Variants in ABHD12 observed in about 807,000 individuals in gnomAD.
ABHD12 encodes lysophosphatidylserine lipase ABHD12.
Under a neutral mutation model 58.3 loss-of-function variants are expected in ABHD12, and 43 were observed. The ratio of observed to expected loss-of-function variants is 0.74; its 90% CI spans 0.58 to 0.95. The LOEUF is 0.95. Among genes scored for constraint, ABHD12 ranks in the 40% least tolerant of loss-of-function variants. The probability of loss-of-function intolerance (pLI) is 0.00; values close to 1 mark genes in which losing one functional copy is unlikely to be tolerated. For synonymous variants in ABHD12, 219 were observed against 211.2 expected, an observed-to-expected ratio of 1.04 and a Z score of -0.32; for missense variants, 539 against 537.2, an observed-to-expected ratio of 1.00 and a Z score of -0.03.
At chr20:25,361,115 C>T (rs1013391406) in intron 1 of ABHD12, among the ~76,000 whole-genome samples, 1 of 152,200 alleles carries the variant, frequency 6.6e-6, no homozygotes, top group East Asian at 1.9e-4. Flanking sequence ...CCACGCTAAG[C>T]GGCTGCTGAA....
intron 1 of ABHD12, among the ~76,000 whole-genome samples, chr20:25,388,431 A>G (rs1420879006): frequency 6.6e-6 from 1 of 152,174 alleles, no homozygotes; most frequent in Non-Finnish European, 1.5e-5. Flanking sequence ...CAAAAATTAC[A>G]ATCTCGAGTG....
At chr20:25,300,954 ACTG>A in intron 12 of ABHD12, 70 bp from the exon 13 acceptor site, 2 of 1,501,904 alleles carry the variant, frequency 1.3e-6, no homozygotes, top group South Asian at 1.2e-5. Flanking sequence ...CAGTCCTCAC[ACTG>A]CTATCTAAGG....
chr20:25,376,566 G>A (rs1385953546), intron 1 of ABHD12, among the ~76,000 whole-genome samples: 2 of 152,138 alleles, frequency 1.3e-5, no homozygotes, highest in East Asian at 1.9e-4. Context: ...ACTGTGGTAC[G>A]GCATGTTTTC....
intron 2 of ABHD12, among the ~76,000 whole-genome samples, chr20:25,338,040 C>T (rs1450193549): frequency 1.3e-5 from 2 of 152,056 alleles, no homozygotes; most frequent in Non-Finnish European, 2.9e-5. Flanking sequence ...GTTCTTCTTA[C>T]CGGCATTAAA....
At chr20:25,301,364 A>T (rs1402855916) in intron 12 of ABHD12, among the ~76,000 whole-genome samples, 1 of 152,194 alleles carries the variant, frequency 6.6e-6, no homozygotes, top group Non-Finnish European at 1.5e-5. Flanking sequence ...AATTCAGGCC[A>T]CCAATTTCAG....
At chr20:25,322,277 A>G (rs2089080359) in intron 3 of ABHD12, among the ~76,000 whole-genome samples, 1 of 150,404 alleles carries the variant, frequency 6.6e-6, no homozygotes, top group South Asian at 2.1e-4. Flanking sequence ...AAGACAGCCA[A>G]CACCATCATC....
chr20:25,331,686 T>C (rs1279356963), intron 2 of ABHD12, among the ~76,000 whole-genome samples: 1 of 152,126 alleles, frequency 6.6e-6, no homozygotes, highest in African/African-American at 2.4e-5. Flanking sequence ...CAACCCAGAA[T>C]TTCACATCCA....
chr20:25,336,882 G>A (rs2089380047), intron 2 of ABHD12, among the ~76,000 whole-genome samples: 1 of 152,180 alleles, frequency 6.6e-6, no homozygotes, highest in African/African-American at 2.4e-5. Flanking sequence ...ATGCCCAGGG[G>A]GGTGAGGCGA....
chr20:25,345,967 C>T (rs938281879), intron 1 of ABHD12, among the ~76,000 whole-genome samples: 10 of 152,074 alleles, frequency 6.6e-5, no homozygotes, highest in African/African-American at 2.4e-4. Flanking sequence ...AAATATATGT[C>T]CACACAAAAA....
At chr20:25,331,548 C>T (rs1009968845) in intron 2 of ABHD12, among the ~76,000 whole-genome samples, 2 of 151,890 alleles carry the variant, frequency 1.3e-5, no homozygotes, top group African/African-American at 4.8e-5. Context: ...TTAAGGGCAG[C>T]AAGAGAGAAA....
chr20:25,386,699 G>T (rs533832450), intron 1 of ABHD12, among the ~76,000 whole-genome samples: 69 of 152,146 alleles, frequency 4.5e-4, no homozygotes, highest in Non-Finnish European at 7.6e-4. Flanking sequence ...TGGTCAACAT[G>T]GCAAAATCCC....
In ABHD12 at chr20:25,390,606, T is replaced by G. The variant is rs1304897791; in HGVS notation, c.98A>C (p.Asp33Ala). ...SGSAAAALDA[D>A]CRLKQNLRLT... ...GCGTAGGTTCTGCTTCAGGCGGCAGTCGGCGTCCAGCGCCGCGGCGGCCGA... is the reference window on the plus strand; with the variant it reads ...GCGTAGGTTCTGCTTCAGGCGGCAGGCGGCGTCCAGCGCCGCGGCGGCCGA... Residue 33 changes from aspartate to alanine, a missense_variant, in exon 1 of 13, where the codon GAC becomes GCC. By Grantham distance (126) the Asp-to-Ala change is moderately radical. Transcript: ENST00000339157. 3 of 1,468,480 alleles carry G rather than the reference T, an allele frequency of 2.0e-6. No homozygotes were observed. The highest frequency in any genetic ancestry group is 2.6e-5 in the South Asian group (2 of 78,248). The allele number at this position is 1,468,480 out of a possible 1,614,324, so 91.0% of individuals were successfully genotyped here.
At chr20:25,353,892 G>C (rs1228990713) in intron 1 of ABHD12, among the ~76,000 whole-genome samples, 1 of 152,134 alleles carries the variant, frequency 6.6e-6, no homozygotes, top group African/African-American at 2.4e-5. Context: ...AATGACTGCT[G>C]CGTGATCACT....
At chr20:25,308,121 GC>G in intron 8 of ABHD12, 76 bp from the exon 9 acceptor site, 4 of 1,077,544 alleles carry the variant, frequency 3.7e-6, no homozygotes, top group Non-Finnish European at 5.8e-6. Flanking sequence ...GCTCTGAGGG[GC>G]CCCCAGAAAG....
At chr20:25,321,903 G>A (rs1431085382) in intron 3 of ABHD12, among the ~76,000 whole-genome samples, 1 of 152,184 alleles carries the variant, frequency 6.6e-6, no homozygotes, top group Non-Finnish European at 1.5e-5. Flanking sequence ...CTCCCTTCTT[G>A]TTTTATGTTC....
At chr20:25,318,144 G>A (rs1212645510) in intron 4 of ABHD12, among the ~76,000 whole-genome samples, 10 of 152,108 alleles carry the variant, frequency 6.6e-5, no homozygotes, top group African/African-American at 9.7e-5. Context: ...GGTGAAACCC[G>A]TCTCTACTAA....
In ABHD12 at chr20:25,322,383, T is replaced by TATATATATATATA. The variant is rs1568727719; in HGVS notation, c.422+941_422+942insTATATATATATAT. Among the ~76,000 whole-genome samples the TATATATATATATA allele has an allele frequency of 1.0e-3, 33 of 31,550 alleles. 1 individual carries two copies. Among genetic ancestry groups the TATATATATATATA allele is most frequent in the African/African-American group, 3.6e-3 (22 of 6,146 alleles). 20.7% of individuals were successfully genotyped at this position (31,550 alleles called of 152,430 possible). A position where few individuals can be genotyped will look rare whatever the true frequency, so the allele number is the denominator to read the frequency against. ...AAAAGATATATATATATATATATAT[T>TATATATATATATA]TTTTTTTTTTTTTGAGACAAGAGTC... On this transcript the variant is annotated intron_variant, in intron 3 of 12. Transcript: ENST00000339157.
At chr20:25,311,209 G>A (rs1568717782) in intron 6 of ABHD12, among the ~76,000 whole-genome samples, 1 of 152,222 alleles carries the variant, frequency 6.6e-6, no homozygotes, top group African/African-American at 2.4e-5. Context: ...AGGAATGAAA[G>A]CTACTAACTG....
intron 6 of ABHD12, among the ~76,000 whole-genome samples, chr20:25,312,501 A>G (rs1403814001): frequency 6.6e-6 from 1 of 152,182 alleles, no homozygotes; most frequent in African/African-American, 2.4e-5. Flanking sequence ...CCCAGGCTGG[A>G]GTGCAGTGGC....
Sources: allele counts gnomAD v4.1 joint callset (sites outside exome capture counted in the v4.1 genomes callset), GRCh38; gene constraint gnomAD v4.1.1; transcripts MANE v1.5; gene names NCBI Gene and HGNC (gene_info 2026-07-23, HGNC 2026-07-21).